Variants in SHTN1 observed in about 807,000 individuals in gnomAD.
The protein encoded by SHTN1 is shootin-1.
SHTN1 carries 42 observed loss-of-function variants against 83.1 expected under a neutral mutation model. The ratio of observed to expected loss-of-function variants is 0.51; its 90% CI spans 0.39 to 0.65. The LOEUF (loss-of-function observed/expected upper bound fraction) is 0.65, where lower values mean the gene tolerates loss of function less well. Among genes scored for constraint, SHTN1 ranks in the 30% least tolerant of loss-of-function variants. The pLI is 0.00. For missense variants in SHTN1, 622 were observed against 737.8 expected, an observed-to-expected ratio of 0.84 and a Z score of 1.82; for synonymous variants, 224 against 247.7, an observed-to-expected ratio of 0.90 and a Z score of 0.90.
rs144546562 is a variant in SHTN1, at chr10:117,104,585, A to T, written c.-189+21722T>A. On this transcript the variant is annotated intron_variant, in intron 1 of 17. Transcript: ENST00000392901. ...GGAAATCGAGACCATCCTGGCTAAC[A>T]AACACAGTGAAACCCCATCTCTACT... Among the ~76,000 whole-genome samples the T allele has an allele frequency of 9.6e-3, 1,461 of 152,180 alleles. 17 individuals are homozygous for T. Among genetic ancestry groups the T allele is most frequent in the African/African-American group, 0.033 (1,370 of 41,524 alleles).
chr10:117,068,019 T>C (rs111757846), intron 1 of SHTN1, among the ~76,000 whole-genome samples: 8 of 151,984 alleles, frequency 5.3e-5, no homozygotes, highest in African/African-American at 1.9e-4. Context: ...CAAGTGGAGC[T>C]ATGAGAGGTG....
chr10:117,092,295 A>G (rs556965189), intron 1 of SHTN1, among the ~76,000 whole-genome samples: 1 of 152,334 alleles, frequency 6.6e-6, no homozygotes, highest in African/African-American at 2.4e-5. Flanking sequence ...CTCACAGGCA[A>G]GCAAACTCTA....
chr10:116,988,206 A>G (rs1851291306), intron 1 of SHTN1, among the ~76,000 whole-genome samples: 1 of 152,038 alleles, frequency 6.6e-6, no homozygotes, highest in African/African-American at 2.4e-5. Context: ...AAATGAGAGT[A>G]GGAAAAGGTG....
chr10:117,042,064 G>C (rs1228529692), intron 2 of SHTN1, among the ~76,000 whole-genome samples: 1 of 152,172 alleles, frequency 6.6e-6, no homozygotes, highest in Non-Finnish European at 1.5e-5. Flanking sequence ...CATTAAGGAA[G>C]AGGAAGCAGG....
At chr10:117,015,003 T>C (rs1852161446) in intron 2 of SHTN1, among the ~76,000 whole-genome samples, 1 of 152,182 alleles carries the variant, frequency 6.6e-6, no homozygotes, top group Admixed American at 6.5e-5. Flanking sequence ...CACATGTGGA[T>C]GGGTGTGGCT....
At chr10:116,973,798 A>T in intron 2 of SHTN1, 3 of 1,085,690 alleles carry the variant, frequency 2.8e-6, no homozygotes, top group Non-Finnish European at 3.7e-6. Context: ...GTCCAGTTAC[A>T]ACAGTTAAAG....
intron 7 of SHTN1, among the ~76,000 whole-genome samples, chr10:116,946,094 AG>A (rs1397176243): frequency 6.6e-6 from 1 of 151,792 alleles, no homozygotes; most frequent in African/African-American, 2.4e-5. Flanking sequence ...AATTCAAGGG[AG>A]GGGTAAGAGT....
chr10:116,916,958 C>T (rs533441168), intron 12 of SHTN1, among the ~76,000 whole-genome samples: 4 of 152,284 alleles, frequency 2.6e-5, no homozygotes, highest in African/African-American at 9.6e-5. Context: ...TTTTGCCAAG[C>T]AACATGGGAA....
At chr10:116,927,758 T>C (rs368375237) in intron 11 of SHTN1, 34 bp downstream of exon 11, 2 of 1,482,446 alleles carry the variant, frequency 1.3e-6, no homozygotes, top group Admixed American at 2.4e-5. Flanking sequence ...GAGAAGAACA[T>C]TTGATGCAGA....
intron 16 of SHTN1, among the ~76,000 whole-genome samples, chr10:116,898,762 CA>C (rs986571365): frequency 1.3e-5 from 2 of 151,212 alleles, no homozygotes; most frequent in Non-Finnish European, 1.5e-5. Context: ...AACAAACAAA[CA>C]AAAAAAACAC....
intron 1 of SHTN1, among the ~76,000 whole-genome samples, chr10:116,992,499 T>C (rs1354372274): frequency 6.6e-6 from 1 of 152,248 alleles, no homozygotes; most frequent in Non-Finnish European, 1.5e-5. Context: ...AAATCAGTAC[T>C]GTCCTGCACT....
At chr10:116,989,972 G>A (rs1397393463) in intron 1 of SHTN1, among the ~76,000 whole-genome samples, 1 of 152,008 alleles carries the variant, frequency 6.6e-6, no homozygotes, top group Non-Finnish European at 1.5e-5. Flanking sequence ...TACTCGTTCT[G>A]GGACTTGCAG....
intron 2 of SHTN1, among the ~76,000 whole-genome samples, chr10:116,974,391 CTTT>C (rs1489368472): frequency 6.6e-6 from 1 of 152,088 alleles, no homozygotes; most frequent in Non-Finnish European, 1.5e-5. Context: ...AAAGTGGCTT[CTTT>C]ATTGATTTTT....
chr10:116,901,325 T>C (rs1847726284), intron 16 of SHTN1: 11 of 985,056 alleles, frequency 1.1e-5, no homozygotes, highest in Non-Finnish European at 1.3e-5. Flanking sequence ...AGAGCAATAT[T>C]AGGCACATCT....
At chr10:116,894,653 CT>C (rs1847451172) in intron 16 of SHTN1, among the ~76,000 whole-genome samples, 3 of 152,134 alleles carry the variant, frequency 2.0e-5, no homozygotes, top group Non-Finnish European at 4.4e-5. Flanking sequence ...GGGCTTCTCC[CT>C]TTTGAAGTAA....
At position 117,104,134 on chromosome 10, in the gene SHTN1, A is replaced by AT. The variant is rs1047049649; in HGVS notation, c.-189+22172dup. 9.3e-5 allele frequency among the ~76,000 whole-genome samples: 14 copies of AT among 151,262 alleles called. No individual in the cohort carries two copies. The South Asian group carries it at 1.7e-3, about 18-fold the overall frequency. On this transcript the variant is annotated intron_variant, in intron 1 of 17. Coordinates refer to the SHTN1 transcript ENST00000392901. ...CACCAAATCCACCATTTTTAGCATG[A>AT]TTTTTTTTTACCTCATTTTTTTTTA...
chr10:116,970,571 G>A (rs1031964710), intron 2 of SHTN1, among the ~76,000 whole-genome samples: 1 of 152,010 alleles, frequency 6.6e-6, no homozygotes, highest in African/African-American at 2.4e-5. Context: ...AAAGTTAGCT[G>A]GGCGTGGTGG....
In SHTN1 at chr10:116,915,153, C is replaced by A. The variant is rs188683632; in HGVS notation, c.1305+222G>T. Among the ~76,000 whole-genome samples the A allele has an allele frequency of 1.1e-4, 16 of 152,274 alleles. No homozygotes were observed. The East Asian group carries it at 2.5e-3, about 24-fold the overall frequency. On this transcript the variant is annotated intron_variant, in intron 13 of 16. Transcript: ENST00000355371. Reference sequence around the variant, plus strand: ...CGTATCACTGTCTCTCGTAATGAGACAACAGCACCCCCAAAATAACATGGC... The same window carrying A: ...CGTATCACTGTCTCTCGTAATGAGAAAACAGCACCCCCAAAATAACATGGC...
At chr10:116,950,420 G>T (rs537308433) in intron 6 of SHTN1, among the ~76,000 whole-genome samples, 1 of 152,026 alleles carries the variant, frequency 6.6e-6, no homozygotes, top group East Asian at 1.9e-4. Flanking sequence ...CTCCTGCCTC[G>T]GCCTCCCAAA....
Sources: gnomAD v4.1 joint callset for allele counts (sites outside exome capture counted in the v4.1 genomes callset) on GRCh38, gnomAD v4.1.1 for gene constraint, MANE v1.5 for transcripts, NCBI Gene and HGNC (gene_info 2026-07-23, HGNC 2026-07-21) for gene names.